DNAJB1: variants seen among roughly 807,000 people sequenced by gnomAD.
DNAJB1 encodes the protein dnaJ homolog subfamily B member 1.
Under a neutral mutation model 24.0 loss-of-function variants are expected in DNAJB1, and 14 were observed. That is an observed-to-expected ratio of 0.58 (90% CI 0.39 to 0.91). The LOEUF (loss-of-function observed/expected upper bound fraction) is 0.91. Ranked by LOEUF, DNAJB1 falls within the 40% of genes least tolerant of loss-of-function variation. DNAJB1 has a pLI of 0.00. For synonymous variants in DNAJB1, 262 were observed against 174.4 expected (o/e 1.50, Z -3.96); for missense variants, 517 against 458.1 (o/e 1.13, Z -1.17).
intron 1 of DNAJB1, chr19:14,536,732 A>T (rs1159365259): frequency 1.3e-5 from 2 of 152,172 alleles, no homozygotes; most frequent in Non-Finnish European, 2.9e-5. Flanking sequence ...CAAATGCTAC[A>T]GCTGAGGCCC....
At chr19:14,519,544 T>C (rs1164756622), upstream of DNAJB1, among the ~76,000 whole-genome samples, 1 of 152,158 alleles carries the variant, frequency 6.6e-6, no homozygotes, top group Admixed American at 6.6e-5. Context: ...AGTCCCGCCT[T>C]CTTCCCTTTA....
At chr19:14,547,616 C>T (rs1481077690) in intron 1 of DNAJB1, among the ~76,000 whole-genome samples, 2 of 151,802 alleles carry the variant, frequency 1.3e-5, no homozygotes, top group Non-Finnish European at 2.9e-5. Context: ...CCTGCCTTGG[C>T]CTCCCAAAGT....
At chr19:14,544,416 T>G (rs2073232126) in intron 1 of DNAJB1, among the ~76,000 whole-genome samples, 1 of 152,008 alleles carries the variant, frequency 6.6e-6, no homozygotes, top group Non-Finnish European at 1.5e-5. Flanking sequence ...GGCTCAGCCG[T>G]TCAGCCGCAT....
chr19:14,560,298 T>C (rs1799055647), upstream of DNAJB1, among the ~76,000 whole-genome samples: 1 of 152,142 alleles, frequency 6.6e-6, no homozygotes. Flanking sequence ...TTTAAGCTGT[T>C]GAGTGGTTCA....
chr19:14,533,190 G>A (rs978528401), upstream of DNAJB1, among the ~76,000 whole-genome samples: 4 of 151,960 alleles, frequency 2.6e-5, no homozygotes, highest in African/African-American at 9.7e-5. Context: ...GGACACCAAG[G>A]TGGGCAAATC....
At position 14,518,369 on chromosome 19, in the gene DNAJB1, C is replaced by G. The variant is rs201003805; in HGVS notation, c.-20G>C. The G allele has an allele frequency of 6.5e-6, 10 of 1,533,722 alleles. No individual in the cohort carries two copies. In the East Asian group the frequency reaches 1.9e-4, roughly 29 times the overall value. On this transcript the variant is annotated 5_prime_UTR_variant, in exon 1 of 3. Transcript: ENST00000254322. ...ACCCATGACCCCCTCCTGCGGCCCG[C>G]CGACCCGCTGTCGCCGTCCCCCGGC...
chr19:14,543,577 T>C (rs1318790905), intron 1 of DNAJB1, among the ~76,000 whole-genome samples: 2 of 147,310 alleles, frequency 1.4e-5, no homozygotes, highest in African/African-American at 2.5e-5. Context: ...TAGCTGGGAC[T>C]ACAGGCGCCC....
chr19:14,549,305 C>T (rs190694140), intron 1 of DNAJB1, among the ~76,000 whole-genome samples: 26 of 151,158 alleles, frequency 1.7e-4, no homozygotes, highest in Middle Eastern at 3.4e-3. Context: ...CTCTGCCTCC[C>T]GGGTTCAAGC....
At chr19:14,557,971 G>C (rs949115584) in intron 1 of DNAJB1, among the ~76,000 whole-genome samples, 1 of 150,210 alleles carries the variant, frequency 6.7e-6, no homozygotes, top group South Asian at 2.1e-4. Context: ...TAGCCAGGAT[G>C]GTCTCGATCT....
At chr19:14,527,107 G>A (rs901361196) in intron 2 of DNAJB1, among the ~76,000 whole-genome samples, 24 of 148,992 alleles carry the variant, frequency 1.6e-4, no homozygotes, top group African/African-American at 5.9e-4. Flanking sequence ...CAGGGAGTGA[G>A]GCCTGTCATG....
upstream of DNAJB1, among the ~76,000 whole-genome samples, chr19:14,522,487 GA>G (rs60019206): frequency 3.0e-3 from 177 of 59,248 alleles, no homozygotes; most frequent in Middle Eastern, 0.011. Context: ...CTGTCTCGAA[GA>G]AAAAAAAAAA....
chr19:14,548,696 G>A (rs2073386238), intron 1 of DNAJB1, among the ~76,000 whole-genome samples: 1 of 152,102 alleles, frequency 6.6e-6, no homozygotes, highest in African/African-American at 2.4e-5. Flanking sequence ...TCCTGTCTCA[G>A]CCTCCCAAGT....
chr19:14,517,079 T>C (rs1362532172), intron 1 of DNAJB1, 33 bp from the exon 2 acceptor site: 17 of 1,569,360 alleles, frequency 1.1e-5, no homozygotes, highest in Non-Finnish European at 1.4e-5. Context: ...GTCAGATGGC[T>C]GAACAGCAGA....
chr19:14,552,937 G>A (rs1350997749), upstream of DNAJB1, among the ~76,000 whole-genome samples: 1 of 151,980 alleles, frequency 6.6e-6, no homozygotes, highest in Non-Finnish European at 1.5e-5. Context: ...TGAATGAAAC[G>A]GGCGAGATCA....
Position 14,518,344 on chromosome 19 carries a change from A to C in DNAJB1, c.6T>G (p.Gly2=), listed in dbSNP as rs747769161. ...GGCCCAACGTCTGGTAGTAGTCTTT[A>C]CCCATGACCCCCTCCTGCGGCCCGC... M[G]KDYYQTLGLA... is the part of the protein sequence containing the mutation. Residue 2 remains glycine (G), a synonymous_variant, in exon 1 of 3, where the codon GGT becomes GGG. Transcript: ENST00000254322. 1.3e-6 allele frequency: 2 copies of C among 1,567,412 alleles called. No homozygotes were observed.
upstream of DNAJB1, chr19:14,529,401 T>A: frequency 3.5e-6 from 2 of 573,044 alleles, no homozygotes; most frequent in Non-Finnish European, 6.3e-6. Context: ...TCAAGCCCCT[T>A]CTCTTTAGCC....
chr19:14,516,137 G>A lies in DNAJB1; in HGVS notation c.826C>T (p.Leu276=), dbSNP rs746137932. Residue 276 remains leucine, a synonymous_variant, in exon 3 of 3, where the codon CTG becomes TTG. Coordinates refer to ENST00000254322, the MANE Select transcript of DNAJB1 (RefSeq NM_006145.3). ...LCGCTVNVPT[L]DGRTIPVVFK... ...ACGACGGGTATCGTCCTGCCGTCCA[G>A]AGTGGGGACGTTCACTGTGCAGCCA... is the stretch of plus-strand genomic sequence containing the variant. 2.5e-6 allele frequency: 4 copies of A among 1,613,296 alleles called. No individual in the cohort carries two copies. Among genetic ancestry groups the A allele is most frequent in the Non-Finnish European group, 3.4e-6 (4 of 1,179,920 alleles).
At chr19:14,526,709 G>GT (rs1013225461) in intron 2 of DNAJB1, among the ~76,000 whole-genome samples, 1 of 152,140 alleles carries the variant, frequency 6.6e-6, no homozygotes, top group African/African-American at 2.4e-5. Context: ...TCTTCAAAAT[G>GT]ACACCTACTT....
upstream of DNAJB1, among the ~76,000 whole-genome samples, chr19:14,520,843 A>T (rs2072351629): frequency 6.6e-6 from 1 of 151,944 alleles, no homozygotes; most frequent in South Asian, 2.1e-4. Flanking sequence ...AATAAAAAAA[A>T]TTAGCCGGGT....
Sources: gnomAD v4.1 joint callset for allele counts (sites outside exome capture counted in the v4.1 genomes callset) on GRCh38, gnomAD v4.1.1 for gene constraint, MANE v1.5 for transcripts, NCBI Gene and HGNC (gene_info 2026-07-23, HGNC 2026-07-21) for gene names.